USO1: variants seen among roughly 807,000 people sequenced by gnomAD.
USO1 encodes the protein general vesicular transport factor p115.
USO1 carries 57 observed loss-of-function variants against 124.5 expected under a neutral mutation model. The observed-to-expected ratio is 0.46, with a 90% confidence interval of 0.37 to 0.57. The LOEUF (loss-of-function observed/expected upper bound fraction) is 0.57. USO1 is among the 20% of genes least tolerant of loss of function. The probability of loss-of-function intolerance (pLI) is 0.00; values close to 1 mark genes in which losing one functional copy is unlikely to be tolerated. For missense variants in USO1, 900 were observed against 1,040.6 expected (o/e 0.86, Z 1.86); for synonymous variants, 369 against 362.8 (o/e 1.02, Z -0.19).
At chr4:75,753,088 C>T (rs1159742528) in intron 3 of USO1, among the ~76,000 whole-genome samples, 51 of 151,940 alleles carry the variant, frequency 3.4e-4, no homozygotes, top group Admixed American at 3.2e-3. Flanking sequence ...AAATAAACTG[C>T]AGTAATAAGA....
chr4:75,786,941 A>T, intron 9 of USO1, 121 bp from the exon 10 acceptor site: 1 of 1,208,700 alleles, frequency 8.3e-7, no homozygotes, highest in Non-Finnish European at 1.1e-6. Context: ...AAGAGCACCT[A>T]AATGTAGCTA....
In USO1 at chr4:75,724,864, C is replaced by A. The variant is rs529676091; in HGVS notation, c.45C>A (p.Pro15=). The part of the protein sequence containing the change: ...RGVMGGQSAG[P]QHTEAETIQK... ...TAATGGGGGGTCAGAGTGCCGGACC[C>A]CAGCACACAGAAGCCGAGACGGTGA... The change falls in exon 1 of 24, where the codon CCC becomes CCA. Residue 15 remains proline (P), a synonymous_variant. Coordinates refer to ENST00000514213, the MANE Select transcript of USO1 (RefSeq NM_003715.4). 1.2e-6 allele frequency: 2 copies of A among 1,613,708 alleles called. No homozygotes were observed. The highest frequency in any genetic ancestry group is 2.2e-5 in the South Asian group (2 of 91,082).
Position 75,800,807 on chromosome 4 carries a change from T to C in USO1, c.1864+8T>C, listed in dbSNP as rs1423341301. On this transcript the variant is annotated splice_region_variant and intron_variant, in intron 16 of 23. Coordinates refer to ENST00000514213, the MANE Select transcript of USO1 (RefSeq NM_003715.4). ...TGGTAAAAGAACTTGAAGGTAAGAC[T>C]GAAGATTTATATTGATATTTGATGG... 1 of 1,610,046 alleles carries C rather than the reference T, an allele frequency of 6.2e-7. No homozygotes were observed. Among genetic ancestry groups the C allele is most frequent in the Non-Finnish European group, 8.5e-7 (1 of 1,178,012 alleles).
chr4:75,783,061 T>C (rs1285972161), intron 9 of USO1, among the ~76,000 whole-genome samples: 5 of 152,176 alleles, frequency 3.3e-5, no homozygotes, highest in African/African-American at 9.6e-5. Context: ...TATTAACATC[T>C]GGCAATTTTG....
At chr4:75,761,735 A>G (rs1426534360) in intron 4 of USO1, among the ~76,000 whole-genome samples, 3 of 152,134 alleles carry the variant, frequency 2.0e-5, no homozygotes, top group Admixed American at 6.5e-5. Context: ...TGTTTTACCA[A>G]TTTCCTTGAG....
At chr4:75,801,905 C>T (rs1348974901) in intron 17 of USO1, among the ~76,000 whole-genome samples, 2 of 152,174 alleles carry the variant, frequency 1.3e-5, no homozygotes, top group Non-Finnish European at 2.9e-5. Flanking sequence ...CTGCAACCTC[C>T]GCCTCCCAGG....
intron 1 of USO1, among the ~76,000 whole-genome samples, chr4:75,737,307 G>A (rs1720820412): frequency 6.6e-6 from 1 of 152,188 alleles, no homozygotes; most frequent in African/African-American, 2.4e-5. Context: ...GACAGAGTTA[G>A]CACATAGTAA....
At chr4:75,771,178 T>G in intron 7 of USO1, 41 bp downstream of exon 7, 1 of 1,554,628 alleles carries the variant, frequency 6.4e-7, no homozygotes. Flanking sequence ...ATATGTGGCT[T>G]TTTTTTCTCT....
At chr4:75,779,088 T>A (rs912868216) in intron 8 of USO1, among the ~76,000 whole-genome samples, 11 of 152,180 alleles carry the variant, frequency 7.2e-5, no homozygotes, top group Non-Finnish European at 1.0e-4. Flanking sequence ...GTAATTGTTT[T>A]GGGGTACCAC....
At chr4:75,773,063 A>T (rs1721976710) in intron 7 of USO1, among the ~76,000 whole-genome samples, 1 of 152,072 alleles carries the variant, frequency 6.6e-6, no homozygotes, top group Admixed American at 6.6e-5. Context: ...GTGCCATTGC[A>T]CTCCAGCGTG....
At chr4:75,759,784 C>A (rs1290556527) in intron 4 of USO1, among the ~76,000 whole-genome samples, 1 of 151,852 alleles carries the variant, frequency 6.6e-6, no homozygotes, top group African/African-American at 2.4e-5. Context: ...TGTTGCACAC[C>A]TGTAATCTCA....
chr4:75,809,121 T>C, intron 21 of USO1, 70 bp downstream of exon 21: 1 of 1,494,134 alleles, frequency 6.7e-7, no homozygotes, highest in Non-Finnish European at 8.9e-7. Context: ...TTAGCCACAA[T>C]TAAAAAGAAA....
At chr4:75,740,769 A>G (rs887273691) in intron 1 of USO1, among the ~76,000 whole-genome samples, 1 of 152,158 alleles carries the variant, frequency 6.6e-6, no homozygotes, top group Non-Finnish European at 1.5e-5. Flanking sequence ...TTTTCTCTTT[A>G]TTTATTGAAG....
At chr4:75,761,864 G>T (rs1236928732) in intron 4 of USO1, among the ~76,000 whole-genome samples, 1 of 152,132 alleles carries the variant, frequency 6.6e-6, no homozygotes, top group African/African-American at 2.4e-5. Flanking sequence ...ACTTATTAAA[G>T]TATGAAGCAT....
rs77819644 is a variant in USO1 at position 75,795,209 on chromosome 4, A to G, written c.1452+1308A>G. 4.3e-4 allele frequency: 279 copies of G among 649,928 alleles called. 1 individual carries two copies. The East Asian group carries it at 4.4e-3, about 10-fold the overall frequency. The allele number at this position is 649,928 out of a possible 1,614,324, so 40.3% of individuals were successfully genotyped here. On this transcript the variant is annotated intron_variant, in intron 13 of 23. Coordinates refer to ENST00000514213, the MANE Select transcript of USO1 (RefSeq NM_003715.4). ...GTATAAAAGAAGTATCATTAGAACC[A>G]TCCTGTCCCAAATTATTGGCTTGAG...
intron 20 of USO1, among the ~76,000 whole-genome samples, chr4:75,807,360 G>T (rs1723026382): frequency 1.3e-5 from 2 of 150,194 alleles, no homozygotes; most frequent in East Asian, 2.0e-4. Flanking sequence ...TATTATAAAA[G>T]AAATGCATAC....
At chr4:75,783,359 A>C (rs370567236) in intron 9 of USO1, among the ~76,000 whole-genome samples, 2 of 152,350 alleles carry the variant, frequency 1.3e-5, no homozygotes, top group South Asian at 2.1e-4. Context: ...AGTCCAAAAC[A>C]TGTTAAATTG....
In USO1 at chr4:75,805,126, T is replaced by C; in HGVS notation, c.2126-14T>C. The C allele has an allele frequency of 1.9e-6, 3 of 1,550,442 alleles. No individual in the cohort carries two copies. Among genetic ancestry groups the C allele is most frequent in the Non-Finnish European group, 2.6e-6 (3 of 1,152,792 alleles). On this transcript the variant is annotated splice_polypyrimidine_tract_variant and intron_variant, in intron 18 of 23. Transcript: ENST00000514213. Reference sequence around the variant, plus strand: ...TTTCCCGTTGGCTTTTAAAATGTTATGTCTGTCTAACAGGAAAAGACAATC... The same window carrying C: ...TTTCCCGTTGGCTTTTAAAATGTTACGTCTGTCTAACAGGAAAAGACAATC...
At chr4:75,802,736 C>CTTTTTTTTTTTTTTT (rs997798305) in intron 17 of USO1, among the ~76,000 whole-genome samples, 9 of 63,736 alleles carry the variant, frequency 1.4e-4, no homozygotes, top group African/African-American at 3.3e-4. Flanking sequence ...TTTTTCTTTT[C>CTTTTTTTTTTTTTTT]TTTTTTTTTT....
Sources: gnomAD v4.1 joint callset for allele counts (sites outside exome capture counted in the v4.1 genomes callset) on GRCh38, gnomAD v4.1.1 for gene constraint, MANE v1.5 for transcripts, NCBI Gene and HGNC (gene_info 2026-07-23, HGNC 2026-07-21) for gene names.